Variants in EFCAB14 observed in about 807,000 individuals in gnomAD.
EFCAB14 encodes EF-hand calcium-binding domain-containing protein 14.
A neutral mutation model predicts 56.5 loss-of-function variants in EFCAB14; 43 were observed. The observed-to-expected ratio is 0.76, with a 90% CI of 0.60 to 0.98. EFCAB14 has a LOEUF of 0.98. EFCAB14 is among the 50% of genes least tolerant of loss of function. The pLI is 0.00. For synonymous variants in EFCAB14, 235 were observed against 212.9 expected, an observed-to-expected ratio of 1.10 and a Z score of -0.90; for missense variants, 538 against 580.3, an observed-to-expected ratio of 0.93 and a Z score of 0.75.
In EFCAB14 at chr1:46,686,848, A is replaced by G. The variant is rs6665021; in HGVS notation, c.1010T>C (p.Leu337Pro). 9.7e-4 allele frequency: 1,559 copies of G among 1,613,808 alleles called. 14 individuals are homozygous for G. The African/African-American group carries it at 0.019, about 19-fold the overall frequency. ...GACTTGATCCAAAGACTGTCTTTTCAGAGTGGCAGATCTATCACCCATCTT... is the reference window on the plus strand; with the variant it reads ...GACTTGATCCAAAGACTGTCTTTTCGGAGTGGCAGATCTATCACCCATCTT... ...FSMMGDRSAT[L>P]KRQSLDQVTN... The change falls in exon 8 of 11, where the codon CTG (leucine) becomes CCG (proline). Residue 337 changes from leucine to proline, a missense_variant. By Grantham distance (98) the Leu-to-Pro change is moderately conservative. Transcript: ENST00000371933.
At chr1:46,683,218 A>T in intron 10 of EFCAB14, 82 bp downstream of exon 10, 1 of 1,471,928 alleles carries the variant, frequency 6.8e-7, no homozygotes, top group African/African-American at 1.4e-5. Flanking sequence ...TAGATCATAT[A>T]TATTTTTGAC....
chr1:46,697,963 T>C (rs1172773672), intron 3 of EFCAB14, among the ~76,000 whole-genome samples: 2 of 151,714 alleles, frequency 1.3e-5, no homozygotes. Context: ...GTGATTCTCG[T>C]GCCTCAGCCT....
At chr1:46,707,569 A>C (rs1219227262) in intron 3 of EFCAB14, among the ~76,000 whole-genome samples, 1 of 152,122 alleles carries the variant, frequency 6.6e-6, no homozygotes, top group Non-Finnish European at 1.5e-5. Flanking sequence ...TGGGTTATCT[A>C]CTTTTCTTGG....
rs777251473 is a variant in EFCAB14 at position 46,718,519 on chromosome 1, G to A, written c.-432C>T. 34 of 153,960 alleles carry A rather than the reference G, an allele frequency of 2.2e-4. No individual in the cohort carries two copies. Among genetic ancestry groups the A allele is most frequent in the Non-Finnish European group, 4.2e-4 (29 of 69,192 alleles). 9.5% of individuals were successfully genotyped at this position (153,960 alleles called of 1,614,324 possible). A position where few individuals can be genotyped will look rare whatever the true frequency, so the allele number is the denominator to read the frequency against. ...TTAAAATACGTGTTTCGGACCTCCGGAGCAAGATTTCCAATGGAGAGGGAA... is the reference window on the plus strand; with the variant it reads ...TTAAAATACGTGTTTCGGACCTCCGAAGCAAGATTTCCAATGGAGAGGGAA... On this transcript the variant is annotated 5_prime_UTR_variant, in exon 1 of 11. Coordinates refer to ENST00000371933, the MANE Select transcript of EFCAB14 (RefSeq NM_014774.3).
intron 3 of EFCAB14, 67 bp from the exon 4 acceptor site, chr1:46,696,716 A>C: frequency 4.9e-6 from 7 of 1,428,110 alleles, no homozygotes; most frequent in South Asian, 1.2e-5. Flanking sequence ...TTACCTTCAC[A>C]AACTCTACGG....
At chr1:46,683,832 C>T (rs947003347) in intron 9 of EFCAB14, among the ~76,000 whole-genome samples, 5 of 152,158 alleles carry the variant, frequency 3.3e-5, no homozygotes, top group African/African-American at 4.8e-5. Context: ...AGAGTGCAAC[C>T]GTAAGATGAT....
intron 4 of EFCAB14, among the ~76,000 whole-genome samples, chr1:46,693,039 G>A (rs1443790357): frequency 6.6e-6 from 1 of 152,100 alleles, no homozygotes; most frequent in Non-Finnish European, 1.5e-5. Flanking sequence ...AAAGTGGGAG[G>A]GAACCATATC....
chr1:46,681,868 C>T (rs1214177804), intron 10 of EFCAB14, among the ~76,000 whole-genome samples: 1 of 151,994 alleles, frequency 6.6e-6, no homozygotes, highest in East Asian at 1.9e-4. Flanking sequence ...AGCTTTCCCC[C>T]ATTCATTCTC....
In EFCAB14 at chr1:46,688,452, G is replaced by A. The variant is rs373280503; in HGVS notation, c.888C>T (p.Asn296=). Reference sequence around the variant, plus strand: ...TCTGGGTAAGATTACTGACTGTCTCGTTCATTCCCTCGAGTTTAAGATCAT... The same window carrying A: ...TCTGGGTAAGATTACTGACTGTCTCATTCATTCCCTCGAGTTTAAGATCAT... ...RQNDLKLEGM[N]ETVSNLTQRV... The change falls in exon 7 of 11, where the codon AAC becomes AAT. Residue 296 remains asparagine, a synonymous_variant. Coordinates refer to ENST00000371933, the MANE Select transcript of EFCAB14 (RefSeq NM_014774.3). 9.3e-6 allele frequency: 15 copies of A among 1,613,894 alleles called. No individual in the cohort carries two copies. The highest frequency in any genetic ancestry group is 2.2e-5 in the East Asian group (1 of 44,878).
chr1:46,710,068 A>C (rs987988383), intron 2 of EFCAB14, among the ~76,000 whole-genome samples: 2 of 152,204 alleles, frequency 1.3e-5, no homozygotes, highest in Admixed American at 6.5e-5. Context: ...ATGAGGAGTG[A>C]TGGTGGTATC....
intron 4 of EFCAB14, among the ~76,000 whole-genome samples, chr1:46,693,815 A>G (rs1470352340): frequency 6.6e-6 from 1 of 152,218 alleles, no homozygotes; most frequent in Non-Finnish European, 1.5e-5. Context: ...AGGAAGTTCC[A>G]CAAATGTTTA....
At chr1:46,714,572 A>G (rs2148851814) in intron 2 of EFCAB14, among the ~76,000 whole-genome samples, 1 of 152,282 alleles carries the variant, frequency 6.6e-6, no homozygotes, top group East Asian at 1.9e-4. Context: ...CAGGCAGATC[A>G]CTTGAGCCCA....
At position 46,708,202 on chromosome 1, in the gene EFCAB14, C is replaced by T. The variant is rs191603975; in HGVS notation, c.335-151G>A. The T allele has an allele frequency of 1.8e-3, 1,419 of 794,866 alleles. 6 individuals carry two copies. Among genetic ancestry groups the T allele is most frequent in the Non-Finnish European group, 1.9e-3 (1,055 of 554,964 alleles). 49.2% of individuals were successfully genotyped at this position (794,866 alleles called of 1,614,324 possible). On this transcript the variant is annotated intron_variant, in intron 2 of 10. Coordinates refer to ENST00000371933, the MANE Select transcript of EFCAB14 (RefSeq NM_014774.3). ...TATTTATGTAAATATATATCTTTCA[C>T]ACTAAAGCTCCCATTTTAACTGGGG...
intron 3 of EFCAB14, among the ~76,000 whole-genome samples, chr1:46,697,694 CA>C (rs1191287734): frequency 6.6e-6 from 1 of 152,200 alleles, no homozygotes; most frequent in Non-Finnish European, 1.5e-5. Context: ...CTGTGCCAGA[CA>C]CTGCTGCAGT....
chr1:46,691,863 T>C lies in EFCAB14; in HGVS notation c.654A>G (p.Glu218=). 1 of 1,613,654 alleles carries C rather than the reference T, an allele frequency of 6.2e-7. No homozygotes were observed. The highest frequency in any genetic ancestry group is 1.1e-5 in the South Asian group (1 of 91,052). ...AVEALQKTVD[E]HKKTMELLQS... is the part of the protein sequence containing the mutation. ...GCAGTAATTCCATCGTTTTCTTGTG[T>C]TCATCCACAGTTTTCTGTAGTGCTT... The change falls in exon 5 of 11, where the codon GAA becomes GAG. Residue 218 remains glutamate, a synonymous_variant. Coordinates refer to ENST00000371933, the MANE Select transcript of EFCAB14 (RefSeq NM_014774.3).
chr1:46,700,784 T>A (rs1272599324), intron 3 of EFCAB14, among the ~76,000 whole-genome samples: 1 of 152,216 alleles, frequency 6.6e-6, no homozygotes, highest in African/African-American at 2.4e-5. Context: ...AGAATGTGCA[T>A]ATATTCAGTG....
intron 5 of EFCAB14, among the ~76,000 whole-genome samples, chr1:46,691,455 G>A (rs1239077803): frequency 6.6e-6 from 1 of 152,178 alleles, no homozygotes; most frequent in East Asian, 1.9e-4. Flanking sequence ...CTGATGCACA[G>A]AATAGTGAGA....
chr1:46,684,547 A>C lies in EFCAB14; in HGVS notation c.1130T>G (p.Ile377Ser). ...CTCAGGTTTGTTTGTAAGAGCACTG[A>C]TCAGCTGGAGTTTCTCTCTTAGCTT... is the stretch of plus-strand genomic sequence containing the variant. The part of the protein sequence containing the change: ...VSKLREKLQL[I>S]SALTNKPESN... The change falls in exon 9 of 11, where the codon ATC becomes AGC. Residue 377 changes from isoleucine (I) to serine (S), a missense_variant. Physicochemically the swap from Ile to Ser is moderately radical, Grantham distance 142. Transcript: ENST00000371933. 1.2e-6 allele frequency: 2 copies of C among 1,614,134 alleles called. No homozygotes were observed. The highest frequency in any genetic ancestry group is 1.7e-4 in the Middle Eastern group (1 of 6,060).
At chr1:46,706,906 G>A (rs535805148) in intron 3 of EFCAB14, among the ~76,000 whole-genome samples, 5 of 152,288 alleles carry the variant, frequency 3.3e-5, no homozygotes, top group South Asian at 4.1e-4. Context: ...GTATGTATGC[G>A]TTTACTGGGT....
Sources: allele counts gnomAD v4.1 joint callset (sites outside exome capture counted in the v4.1 genomes callset), GRCh38; gene constraint gnomAD v4.1.1; transcripts MANE v1.5; gene names NCBI Gene and HGNC (gene_info 2026-07-23, HGNC 2026-07-21).